The following GRM5 variants were observed in gnomAD, a reference collection of about 807,000 sequenced individuals.
GRM5 encodes metabotropic glutamate receptor 5.
GRM5 carries 19 observed loss-of-function variants against 83.1 expected under a neutral mutation model. That is an observed-to-expected ratio of 0.23 (90% CI 0.16 to 0.34). The LOEUF is 0.34. GRM5 is among the 10% of genes least tolerant of loss of function. The pLI is 1.00. For synonymous variants in GRM5, 675 were observed against 633.6 expected (o/e 1.07, Z -0.98); for missense variants, 1,160 against 1,588.3 (o/e 0.73, Z 4.58).
At chr11:88,739,651 T>C (rs1004575857) in intron 3 of GRM5, among the ~76,000 whole-genome samples, 9 of 152,066 alleles carry the variant, frequency 5.9e-5, no homozygotes, top group African/African-American at 2.2e-4. Context: ...CTCACGAGAC[T>C]GGATGGTTTT....
chr11:88,993,282 A>AC (rs1565325997), intron 2 of GRM5, among the ~76,000 whole-genome samples: 1 of 150,126 alleles, frequency 6.7e-6, no homozygotes, highest in East Asian at 2.0e-4. Context: ...AAAAAAAAAA[A>AC]AGACAAGTGT....
intron 8 of GRM5, among the ~76,000 whole-genome samples, chr11:88,555,187 G>A (rs1401708185): frequency 6.6e-6 from 1 of 152,136 alleles, no homozygotes; most frequent in Non-Finnish European, 1.5e-5. Context: ...TCACTGGTGT[G>A]AGCTTAGAAT....
intron 3 of GRM5, among the ~76,000 whole-genome samples, chr11:88,732,429 G>A (rs919205081): frequency 3.9e-5 from 6 of 152,032 alleles, no homozygotes; most frequent in African/African-American, 1.4e-4. Flanking sequence ...CTCTGGGGAA[G>A]GAACTGACGT....
rs1294161904 is a variant in GRM5 at position 88,544,323 on chromosome 11, GCCTTGCTTT to G, written c.2631-18928_2631-18920del. 9.8e-5 allele frequency among the ~76,000 whole-genome samples: 15 copies of G among 152,338 alleles called. No individual in the cohort carries two copies. The East Asian group carries it at 2.7e-3, about 27-fold the overall frequency. ...GTCATAACATTCACTGAGCAGACAA[GCCTTGCTTT>G]CCTGTGACTGACTTCTGGTCACTCT... On this transcript the variant is annotated intron_variant, in intron 8 of 9. Coordinates refer to ENST00000305447, the MANE Select transcript of GRM5 (RefSeq NM_001143831.3).
At chr11:88,991,704 C>T (rs1195257595) in intron 2 of GRM5, among the ~76,000 whole-genome samples, 145 of 151,798 alleles carry the variant, frequency 9.6e-4, no homozygotes, top group Non-Finnish European at 1.6e-3. Flanking sequence ...TCAGAAATAA[C>T]GCCGCATATC....
At position 88,803,531 on chromosome 11, in the gene GRM5, T is replaced by C. The variant is rs186526628; in HGVS notation, c.911+46375A>G. 5.6e-3 allele frequency among the ~76,000 whole-genome samples: 847 copies of C among 152,234 alleles called. 14 individuals are homozygous for C. The highest frequency in any genetic ancestry group is 0.019 in the African/African-American group (800 of 41,504). On this transcript the variant is annotated intron_variant, in intron 3 of 9. Coordinates refer to ENST00000305447, the MANE Select transcript of GRM5 (RefSeq NM_001143831.3). ...CCTTCCTTACACCTTATACAAAAAT[T>C]AATTCAAGATGGATTAAAGACTTAA...
chr11:88,726,433 G>A (rs1226922792), intron 3 of GRM5, among the ~76,000 whole-genome samples: 1 of 152,180 alleles, frequency 6.6e-6, no homozygotes, highest in Non-Finnish European at 1.5e-5. Context: ...TGAAAGTGAT[G>A]AGGAGAATGA....
chr11:88,518,698 T>C (rs1393102964), intron 9 of GRM5, among the ~76,000 whole-genome samples: 1 of 151,910 alleles, frequency 6.6e-6, no homozygotes, highest in African/African-American at 2.4e-5. Flanking sequence ...ACCATCCAAA[T>C]CTTGGCCTTA....
intron 3 of GRM5, among the ~76,000 whole-genome samples, chr11:88,837,017 GA>G (rs1169077387): frequency 1.3e-5 from 2 of 152,096 alleles, no homozygotes; most frequent in African/African-American, 4.8e-5. Context: ...AGTTTCCTGA[GA>G]AAATGGAAGT....
intron 7 of GRM5, among the ~76,000 whole-genome samples, chr11:88,569,993 G>A (rs1310203036): frequency 6.6e-6 from 1 of 152,062 alleles, no homozygotes; most frequent in Non-Finnish European, 1.5e-5. Context: ...CCTAAGGGTA[G>A]CTTCGTTGTA....
rs188513226 is a variant in GRM5 at position 88,708,536 on chromosome 11, A to G, written c.912-55133T>C. Among the ~76,000 whole-genome samples the G allele has an allele frequency of 1.0e-3, 157 of 152,182 alleles. 4 individuals are homozygous for G. The East Asian group carries it at 0.023, about 22-fold the overall frequency. ...AACATGTAGTTTGATCTTACAAAGT[A>G]TTTTCCTTTTCTGAGATTGTTTCCA... On this transcript the variant is annotated intron_variant, in intron 3 of 9. Coordinates refer to ENST00000305447, the MANE Select transcript of GRM5 (RefSeq NM_001143831.3).
chr11:88,648,940 A>AAT (rs1342271487), intron 4 of GRM5, among the ~76,000 whole-genome samples: 1 of 148,322 alleles, frequency 6.7e-6, no homozygotes, highest in African/African-American at 2.6e-5. Context: ...TTTTAAACTG[A>AAT]TGCAATTCTT....
chr11:88,650,725 T>C (rs541822709), intron 4 of GRM5, among the ~76,000 whole-genome samples: 2 of 152,190 alleles, frequency 1.3e-5, no homozygotes, highest in South Asian at 4.1e-4. Flanking sequence ...CTTTGAACTA[T>C]ATATTGACTA....
chr11:88,698,672 C>A (rs774149863), intron 3 of GRM5, among the ~76,000 whole-genome samples: 19 of 152,050 alleles, frequency 1.2e-4, no homozygotes, highest in Non-Finnish European at 2.2e-4. Context: ...CCCTGTGTGG[C>A]AATATGTTTT....
At chr11:88,593,796 T>C (rs2933181) in intron 6 of GRM5, among the ~76,000 whole-genome samples, 18 of 42,184 alleles carry the variant, frequency 4.3e-4, no homozygotes, top group Admixed American at 1.4e-3. Flanking sequence ...TTCTCTCTTT[T>C]TCTCTTTCTT....
intron 2 of GRM5, among the ~76,000 whole-genome samples, chr11:88,886,536 T>A (rs889710114): frequency 1.3e-5 from 2 of 152,114 alleles, no homozygotes; most frequent in African/African-American, 4.8e-5. Flanking sequence ...CCAGTACCCA[T>A]GGGTCACTGG....
intron 3 of GRM5, among the ~76,000 whole-genome samples, chr11:88,799,576 A>C (rs890825580): frequency 2.0e-5 from 3 of 152,108 alleles, no homozygotes; most frequent in Admixed American, 2.0e-4. Context: ...AATACAAAGA[A>C]GTAGAAACTC....
intron 3 of GRM5, among the ~76,000 whole-genome samples, chr11:88,659,814 C>G (rs952662163): frequency 2.6e-5 from 4 of 152,150 alleles, no homozygotes; most frequent in Non-Finnish European, 5.9e-5. Context: ...AATGTTAGGG[C>G]AGCGATGCCA....
intron 3 of GRM5, among the ~76,000 whole-genome samples, chr11:88,839,041 A>T (rs923944525): frequency 6.6e-6 from 1 of 152,182 alleles, no homozygotes; most frequent in East Asian, 1.9e-4. Flanking sequence ...TCTGTAGTAC[A>T]TCTTCTCAGT....
Sources: gnomAD v4.1 joint callset for allele counts (sites outside exome capture counted in the v4.1 genomes callset) on GRCh38, gnomAD v4.1.1 for gene constraint, MANE v1.5 for transcripts, NCBI Gene and HGNC (gene_info 2026-07-23, HGNC 2026-07-21) for gene names.